The following NAV1 variants were observed in gnomAD, a reference collection of about 807,000 sequenced individuals.
NAV1 encodes neuron navigator 1, also known as pore membrane and/or filament interacting like protein 3.
In NAV1, 18 loss-of-function variants were observed where a neutral mutation model predicts 175.2. The ratio of observed to expected loss-of-function variants is 0.10; its 90% CI spans 0.07 to 0.15. The LOEUF is 0.15. Among genes scored for constraint, NAV1 ranks in the 10% least tolerant of loss-of-function variants. NAV1 has a pLI of 1.00. For missense variants in NAV1, 1,731 were observed against 2,436.6 expected (o/e 0.71, Z 6.10); for synonymous variants, 897 against 978.7 (o/e 0.92, Z 1.56).
chr1:201,712,981 G>A (rs1441664830), intron 2 of NAV1, 62 bp downstream of exon 6: 6 of 1,326,654 alleles, frequency 4.5e-6, no homozygotes, highest in South Asian at 1.2e-5. Context: ...CCCCATTCTG[G>A]AGGGCAGGGC....
chr1:201,759,557 C>T (rs1039602776), intron 3 of NAV1, among the ~76,000 whole-genome samples: 1 of 152,110 alleles, frequency 6.6e-6, no homozygotes, highest in Non-Finnish European at 1.5e-5. Flanking sequence ...GCAGATTTTC[C>T]TTTGATTTCA....
chr1:201,639,524 C>T (rs967871103), intron 2 of NAV1, among the ~76,000 whole-genome samples: 5 of 152,082 alleles, frequency 3.3e-5, no homozygotes, highest in African/African-American at 7.2e-5. Context: ...GCCTGGGGGC[C>T]GGGACACTTG....
At chr1:201,580,510 T>C (rs1044152415) in intron 1 of NAV1, among the ~76,000 whole-genome samples, 1 of 152,220 alleles carries the variant, frequency 6.6e-6, no homozygotes, top group African/African-American at 2.4e-5. Flanking sequence ...TGATGGCTCA[T>C]GCCTGTAATC....
intron 2 of NAV1, among the ~76,000 whole-genome samples, chr1:201,595,442 G>A (rs1332109816): frequency 6.6e-6 from 1 of 152,154 alleles, no homozygotes; most frequent in Non-Finnish European, 1.5e-5. Flanking sequence ...CCATTCTCTG[G>A]CTCAGTGGCT....
At chr1:201,783,291 C>T (rs926297664) in intron 6 of NAV1, 115 bp from the exon 11 acceptor site, 2 of 1,068,992 alleles carry the variant, frequency 1.9e-6, no homozygotes, top group Admixed American at 2.1e-5. Flanking sequence ...TAGGATAAGC[C>T]TCTGTGCTTA....
chr1:201,686,489 C>T (rs1331389458), intron 1 of NAV1, among the ~76,000 whole-genome samples: 1 of 152,150 alleles, frequency 6.6e-6, no homozygotes, highest in Non-Finnish European at 1.5e-5. Context: ...GGAGCAAGCC[C>T]CTGACTCTAG....
At chr1:201,592,662 C>T (rs1470330874) in intron 2 of NAV1, among the ~76,000 whole-genome samples, 1 of 152,032 alleles carries the variant, frequency 6.6e-6, no homozygotes, top group Non-Finnish European at 1.5e-5. Flanking sequence ...GGATTGTGCT[C>T]TAAAGACTGA....
chr1:201,589,143 C>T (rs1051973482), intron 2 of NAV1, among the ~76,000 whole-genome samples: 7 of 152,202 alleles, frequency 4.6e-5, no homozygotes, highest in African/African-American at 7.2e-5. Context: ...CCACTGCACC[C>T]GGCCCAAAAG....
At chr1:201,566,002 C>CA (rs1429942901) in intron 1 of NAV1, among the ~76,000 whole-genome samples, 3 of 152,188 alleles carry the variant, frequency 2.0e-5, no homozygotes, top group Non-Finnish European at 2.9e-5. Flanking sequence ...TCAAGGCTGG[C>CA]GCTGGTCCTT....
chr1:201,764,932 G>T (rs1458401354), intron 3 of NAV1, among the ~76,000 whole-genome samples: 1 of 152,186 alleles, frequency 6.6e-6, no homozygotes, highest in African/African-American at 2.4e-5. Context: ...ACTGAGTGGG[G>T]TTCTGCCTAG....
chr1:201,753,139 T>A (rs923340113), intron 3 of NAV1, among the ~76,000 whole-genome samples: 3 of 152,128 alleles, frequency 2.0e-5, no homozygotes, highest in Non-Finnish European at 4.4e-5. Flanking sequence ...AGGAAACTTC[T>A]CTAAGGAAGA....
intron 1 of NAV1, among the ~76,000 whole-genome samples, chr1:201,695,337 G>A (rs567519169): frequency 1.3e-4 from 20 of 152,244 alleles, no homozygotes; most frequent in Middle Eastern, 3.4e-3. Context: ...GTATAGTTCC[G>A]GGTTCAAGCT....
chr1:201,736,880 A>G (rs142229641), intron 3 of NAV1, among the ~76,000 whole-genome samples: 3 of 151,978 alleles, frequency 2.0e-5, no homozygotes, highest in African/African-American at 4.8e-5. Context: ...GCTCCCTTTC[A>G]GCAGGTGTCA....
At chr1:201,824,240 CCT>C (rs1679548652) in exon 30 of NAV1, 1 of 152,044 alleles carries the variant, frequency 6.6e-6, no homozygotes, top group South Asian at 2.1e-4. Flanking sequence ...TAAGCCAACC[CCT>C]GTGATGGGAT....
intron 3 of NAV1, among the ~76,000 whole-genome samples, chr1:201,743,988 G>A (rs931233881): frequency 6.6e-6 from 1 of 152,068 alleles, no homozygotes; most frequent in African/African-American, 2.4e-5. Flanking sequence ...AGATTCAAGC[G>A]ATTCTCCTGC....
At chr1:201,576,979 T>G (rs987372691) in intron 1 of NAV1, among the ~76,000 whole-genome samples, 1 of 152,128 alleles carries the variant, frequency 6.6e-6, no homozygotes, top group African/African-American at 2.4e-5. Flanking sequence ...AATTGTTTGG[T>G]TTTTGGTGAG....
Position 201,674,390 on chromosome 1 carries a change from T to TG in NAV1, c.757+24965_757+24966insG, listed in dbSNP as rs140680568. Among the ~76,000 whole-genome samples the TG allele has an allele frequency of 8.6e-3, 1,188 of 138,664 alleles. 18 individuals are homozygous for TG. Among genetic ancestry groups the TG allele is most frequent in the African/African-American group, 0.028 (1,084 of 39,400 alleles). The allele number at this position is 138,664 out of a possible 152,430, so 91.0% of individuals were successfully genotyped here. A position where few individuals can be genotyped will look rare whatever the true frequency, so the allele number is the denominator to read the frequency against. On this transcript the variant is annotated intron_variant, in intron 1 of 29. Coordinates refer to ENST00000367296, the Ensembl canonical transcript of NAV1. ...GGGTTCCTCCTGGAATGAGTGTGTG[T>TG]TGGGGGGGGTTGTCCAGGGCCCAGC...
chr1:201,759,266 G>A (rs949369027), intron 3 of NAV1, among the ~76,000 whole-genome samples: 1 of 152,180 alleles, frequency 6.6e-6, no homozygotes, highest in Non-Finnish European at 1.5e-5. Flanking sequence ...AAGTATTTAA[G>A]AAACACTGGG....
chr1:201,601,555 C>A (rs749674807), intron 2 of NAV1, among the ~76,000 whole-genome samples: 108 of 152,072 alleles, frequency 7.1e-4, no homozygotes, highest in Non-Finnish European at 1.4e-3. Flanking sequence ...GTCATGAGGG[C>A]AGAGCCTTCT....
Sources: allele counts gnomAD v4.1 joint callset (sites outside exome capture counted in the v4.1 genomes callset), GRCh38; gene constraint gnomAD v4.1.1; transcripts MANE v1.5; gene names NCBI Gene and HGNC (gene_info 2026-07-23, HGNC 2026-07-21).